HIPK3: variants seen among roughly 807,000 people sequenced by gnomAD.
HIPK3 encodes the protein homeodomain interacting protein kinase 3, also known as homeodomain-interacting protein kinase 3.
Under a neutral mutation model 124.2 loss-of-function variants are expected in HIPK3, and 47 were observed. The observed-to-expected ratio is 0.38, with a 90% CI of 0.30 to 0.48. HIPK3 has a LOEUF of 0.48. Ranked by LOEUF, HIPK3 falls within the 20% of genes least tolerant of loss-of-function variation. The probability of loss-of-function intolerance (pLI) is 0.98; values close to 1 mark genes in which losing one functional copy is unlikely to be tolerated. For missense variants in HIPK3, 1,286 were observed against 1,454.3 expected (o/e 0.88, Z 1.88); for synonymous variants, 482 against 515.2 (o/e 0.94, Z 0.87).
chr11:33,311,303 A>G (rs1191159802), intron 2 of HIPK3, among the ~76,000 whole-genome samples: 1 of 152,110 alleles, frequency 6.6e-6, no homozygotes. Flanking sequence ...CTCGCACCTC[A>G]GCCTTCTGAG....
chr11:33,301,969 T>C (rs1479851447), intron 2 of HIPK3, among the ~76,000 whole-genome samples: 3 of 152,144 alleles, frequency 2.0e-5, no homozygotes, highest in Non-Finnish European at 4.4e-5. Context: ...CAAAAATTTG[T>C]GTGACTCAGG....
intron 16 of HIPK3, 86 bp from the exon 17 acceptor site, chr11:33,353,006 G>T: frequency 1.3e-6 from 1 of 778,794 alleles, no homozygotes; most frequent in East Asian, 2.5e-5. Flanking sequence ...CAATCACAAA[G>T]GGTATATTGT....
In HIPK3 at chr11:33,349,145, A is replaced by G; in HGVS notation, c.2667-2A>G. 1 of 1,610,272 alleles carries G rather than the reference A, an allele frequency of 6.2e-7. No individual in the cohort carries two copies. The highest frequency in any genetic ancestry group is 8.5e-7 in the Non-Finnish European group (1 of 1,178,458). ...ATGTTTTTCCCTTTTCTCTTCCACT[A>G]GATGTAAAGGTAGTCTAGATTGTGA... On this transcript the variant is annotated splice_acceptor_variant, in intron 13 of 16. Transcript: ENST00000303296. LOFTEE classifies it high-confidence loss of function.
chr11:33,337,436 A>G (rs1191727884), intron 4 of HIPK3, among the ~76,000 whole-genome samples: 1 of 151,282 alleles, frequency 6.6e-6, no homozygotes, highest in East Asian at 1.9e-4. Context: ...GCTCACTGCA[A>G]CCTCCGCCTC....
chr11:33,347,736 C>T lies in HIPK3; in HGVS notation c.2127C>T (p.His709=). ...TLTSESVAGS[H]RLGDWGKMIS... is the part of the protein sequence containing the mutation. The stretch of plus-strand genomic sequence containing the variant: ...CTTCTGAGAGTGTGGCTGGTTCACA[C>T]AGGCTTGGAGACTGGGGGTAAGCTG... The change falls in exon 10 of 17, where the codon CAC becomes CAT. Residue 709 remains histidine (H), a synonymous_variant. Transcript: ENST00000303296. 1 of 1,614,126 alleles carries T rather than the reference C, an allele frequency of 6.2e-7. No individual in the cohort carries two copies. Among genetic ancestry groups the T allele is most frequent in the Non-Finnish European group, 8.5e-7 (1 of 1,179,978 alleles).
intron 2 of HIPK3, among the ~76,000 whole-genome samples, chr11:33,303,749 G>T (rs1323546067): frequency 1.3e-5 from 2 of 152,140 alleles, no homozygotes; most frequent in Non-Finnish European, 2.9e-5. Flanking sequence ...CAGTTCAGTG[G>T]CCAGTGAATA....
chr11:33,280,447 C>T (rs1851382188), intron 1 of HIPK3, among the ~76,000 whole-genome samples: 1 of 152,156 alleles, frequency 6.6e-6, no homozygotes, highest in Non-Finnish European at 1.5e-5. Flanking sequence ...CAGGGAGTCA[C>T]AGTGGTCAAG....
At chr11:33,299,332 C>T (rs537151282) in intron 2 of HIPK3, among the ~76,000 whole-genome samples, 1 of 151,920 alleles carries the variant, frequency 6.6e-6, no homozygotes, top group African/African-American at 2.4e-5. Flanking sequence ...ATTAGCCGGG[C>T]ACAGTGGCAG....
At chr11:33,312,386 C>T (rs1320327086) in intron 2 of HIPK3, among the ~76,000 whole-genome samples, 1 of 152,080 alleles carries the variant, frequency 6.6e-6, no homozygotes, top group Non-Finnish European at 1.5e-5. Context: ...TCCCACTCTT[C>T]TAGATATAGA....
chr11:33,283,919 C>T (rs1851479198), intron 1 of HIPK3, among the ~76,000 whole-genome samples: 1 of 152,112 alleles, frequency 6.6e-6, no homozygotes, highest in Non-Finnish European at 1.5e-5. Context: ...AAGTGATCTG[C>T]CCGCCTCGGC....
intron 2 of HIPK3, among the ~76,000 whole-genome samples, chr11:33,307,528 A>AT (rs965854489): frequency 6.7e-6 from 1 of 149,010 alleles, no homozygotes; most frequent in African/African-American, 2.5e-5. Context: ...CCCCCCGAGT[A>AT]GCTGGGACTA....
chr11:33,300,041 A>AG (rs1851952586), intron 2 of HIPK3, among the ~76,000 whole-genome samples: 4 of 142,424 alleles, frequency 2.8e-5, no homozygotes, highest in African/African-American at 7.9e-5. Flanking sequence ...AAAAAAAAAA[A>AG]AAAGAAAGAA....
At position 33,257,613 on chromosome 11, in the gene HIPK3, C is replaced by G; in HGVS notation, c.-279C>G. 1.0e-6 allele frequency: 1 copy of G among 988,472 alleles called. No homozygotes were observed. The allele number at this position is 988,472 out of a possible 1,614,324, so 61.2% of individuals were successfully genotyped here. A position where few individuals can be genotyped will look rare whatever the true frequency, so the allele number is the denominator to read the frequency against. On this transcript the variant is annotated 5_prime_UTR_variant, in exon 1 of 17. Coordinates refer to ENST00000303296, the MANE Select transcript of HIPK3 (RefSeq NM_005734.5). ...CTCGCCCTAGCCAAGCCGTCCCCAC[C>G]CCAAATCCCCGGGAAGGAAGATGAG...
intron 14 of HIPK3, among the ~76,000 whole-genome samples, chr11:33,349,560 T>C (rs1853597402): frequency 2.0e-5 from 3 of 152,198 alleles, no homozygotes; most frequent in Admixed American, 6.5e-5. Flanking sequence ...GCAATCCTCT[T>C]GCCTTAGCCT....
At chr11:33,265,502 G>A (rs1007363121) in intron 1 of HIPK3, among the ~76,000 whole-genome samples, 3 of 152,124 alleles carry the variant, frequency 2.0e-5, no homozygotes, top group Non-Finnish European at 4.4e-5. Flanking sequence ...GGCCAGGCAC[G>A]GTGGCTCATG....
chr11:33,276,095 C>A (rs954049402), intron 1 of HIPK3, among the ~76,000 whole-genome samples: 2 of 152,132 alleles, frequency 1.3e-5, no homozygotes, highest in Non-Finnish European at 2.9e-5. Flanking sequence ...ACAAAGAATT[C>A]CTGTGTATTT....
At chr11:33,336,573 C>G (rs1853155360) in intron 3 of HIPK3, among the ~76,000 whole-genome samples, 1 of 152,126 alleles carries the variant, frequency 6.6e-6, no homozygotes, top group South Asian at 2.1e-4. Context: ...TGAAATTTTT[C>G]CAGTGGTTTC....
intron 8 of HIPK3, among the ~76,000 whole-genome samples, chr11:33,346,637 C>G (rs1853501943): frequency 6.6e-6 from 1 of 152,182 alleles, no homozygotes. Context: ...AAGCCAGATT[C>G]TTCTTTCCAT....
chr11:33,340,108 G>A (rs1291299643), intron 6 of HIPK3, among the ~76,000 whole-genome samples: 1 of 152,162 alleles, frequency 6.6e-6, no homozygotes, highest in Non-Finnish European at 1.5e-5. Flanking sequence ...ACAGGGTCTT[G>A]CTCTGTCAGT....
Sources: gnomAD v4.1 joint callset for allele counts (sites outside exome capture counted in the v4.1 genomes callset) on GRCh38, gnomAD v4.1.1 for gene constraint, MANE v1.5 for transcripts, NCBI Gene and HGNC (gene_info 2026-07-23, HGNC 2026-07-21) for gene names.